The following MYRFL variants were observed in gnomAD, a reference collection of about 807,000 sequenced individuals.
MYRFL encodes the protein myelin regulatory factor like.
A neutral mutation model predicts 109.4 loss-of-function variants in MYRFL; 88 were observed. The observed-to-expected ratio is 0.80, with a 90% CI of 0.68 to 0.96. The LOEUF (loss-of-function observed/expected upper bound fraction) is 0.96. MYRFL is among the 40% of genes least tolerant of loss of function. MYRFL has a pLI of 0.00. For synonymous variants in MYRFL, 324 were observed against 320.9 expected (o/e 1.01, Z -0.10); for missense variants, 957 against 954.9 (o/e 1.00, Z -0.03).
chr12:69,866,466 T>G (rs1485036276), intron 2 of MYRFL, among the ~76,000 whole-genome samples: 4 of 152,142 alleles, frequency 2.6e-5, no homozygotes, highest in Non-Finnish European at 5.9e-5. Context: ...AATACCAGGG[T>G]ATTTATGCAG....
chr12:69,834,912 A>C (rs973317532), intron 1 of MYRFL, among the ~76,000 whole-genome samples: 3 of 152,208 alleles, frequency 2.0e-5, no homozygotes, highest in African/African-American at 7.2e-5. Context: ...AGTGAAACTT[A>C]ATATATTTCC....
chr12:69,952,949 T>A, intron 21 of MYRFL, 63 bp downstream of exon 21: 2 of 1,124,422 alleles, frequency 1.8e-6, no homozygotes, highest in Non-Finnish European at 2.5e-6. Context: ...TCTGGGTTTT[T>A]AAGACTGCAG....
At chr12:69,835,692 T>C (rs1882893727) in intron 1 of MYRFL, among the ~76,000 whole-genome samples, 1 of 152,186 alleles carries the variant, frequency 6.6e-6, no homozygotes. Flanking sequence ...AACAAATCTA[T>C]TGATAAGTCT....
intron 5 of MYRFL, among the ~76,000 whole-genome samples, chr12:69,881,141 T>G (rs1474492732): frequency 6.6e-6 from 1 of 152,070 alleles, no homozygotes; most frequent in Non-Finnish European, 1.5e-5. Flanking sequence ...GTTTGTTTGC[T>G]TATTTGTTTT....
At chr12:69,886,236 A>G (rs1886439926) in intron 5 of MYRFL, among the ~76,000 whole-genome samples, 1 of 152,196 alleles carries the variant, frequency 6.6e-6, no homozygotes, top group South Asian at 2.1e-4. Context: ...CACCATGAGG[A>G]CTGGTGCCCT....
chr12:69,881,366 C>T (rs1035119045), intron 5 of MYRFL, among the ~76,000 whole-genome samples: 1 of 152,210 alleles, frequency 6.6e-6, no homozygotes. Context: ...CAGTTTGTCA[C>T]CTTAGCAAGA....
rs374447256 is a variant in MYRFL at position 69,934,398 on chromosome 12, G to T, written c.1917-1715G>T. The stretch of plus-strand genomic sequence containing the variant: ...CTGGGACCCTGAAGCCCCAGAGGGG[G>T]TGTTAGGGTGCTAATTAGTGTTTTT... On this transcript the variant is annotated intron_variant, in intron 16 of 24. Transcript: ENST00000552032. Among the ~76,000 whole-genome samples, 59 of 152,358 alleles carry T rather than the reference G, an allele frequency of 3.9e-4. 1 individual carries two copies. In the South Asian group the frequency reaches 0.012, roughly 30 times the overall value.
chr12:69,880,009 T>C (rs1885963395), intron 4 of MYRFL, among the ~76,000 whole-genome samples, 192 bp from the exon 5 acceptor site: 2 of 152,276 alleles, frequency 1.3e-5, no homozygotes, highest in South Asian at 4.2e-4. Context: ...CATTGTCAGC[T>C]TATCTTTCAG....
chr12:69,895,990 C>T (rs1477307963), intron 9 of MYRFL, among the ~76,000 whole-genome samples: 4 of 152,150 alleles, frequency 2.6e-5, no homozygotes, highest in Non-Finnish European at 4.4e-5. Context: ...AACTCTGAAT[C>T]AAAAACTCTG....
chr12:69,928,933 A>G (rs1955185048), intron 15 of MYRFL, among the ~76,000 whole-genome samples: 2 of 152,198 alleles, frequency 1.3e-5, no homozygotes. Flanking sequence ...CAATCTCTGT[A>G]GCTCCCATCT....
chr12:69,950,529 G>A (rs1955947895), intron 19 of MYRFL, among the ~76,000 whole-genome samples: 1 of 152,098 alleles, frequency 6.6e-6, no homozygotes, highest in South Asian at 2.1e-4. Flanking sequence ...TATGACTAAT[G>A]AGTATGTCCC....
At chr12:69,888,354 C>T (rs780906033) in intron 6 of MYRFL, among the ~76,000 whole-genome samples, 1 of 152,150 alleles carries the variant, frequency 6.6e-6, no homozygotes, top group Non-Finnish European at 1.5e-5. Flanking sequence ...GACAGAAAAA[C>T]ACCCATCTTT....
chr12:69,936,255 C>G, intron 17 of MYRFL, 28 bp from the exon 18 acceptor site: 1 of 1,535,862 alleles, frequency 6.5e-7, no homozygotes. Context: ...AGCCCTCTTT[C>G]ATTAATCATT....
chr12:69,957,902 G>T lies in MYRFL; in HGVS notation c.2531G>T (p.Gly844Val), dbSNP rs969795589. 3 of 1,534,886 alleles carry T rather than the reference G, an allele frequency of 2.0e-6. No homozygotes were observed. The highest frequency in any genetic ancestry group is 2.7e-5 in the African/African-American group (2 of 73,006). ...ICFHSKRGTKGLESHREISQE... is the reference protein window; with the variant it reads ...ICFHSKRGTKVLESHREISQE... ...TTCCATAGTAAAAGGGGAACCAAAG[G>T]GCTGGAAAGCCACAGAGAAATCTCC... The change falls in exon 23 of 25, where the codon GGG becomes GTG. Residue 844 changes from glycine to valine, a missense_variant. Coordinates refer to ENST00000552032, the MANE Select transcript of MYRFL (RefSeq NM_182530.3).
chr12:69,881,367 C>T (rs1886095694), intron 5 of MYRFL, among the ~76,000 whole-genome samples: 1 of 152,220 alleles, frequency 6.6e-6, no homozygotes, highest in African/African-American at 2.4e-5. Flanking sequence ...AGTTTGTCAC[C>T]TTAGCAAGAG....
intron 5 of MYRFL, among the ~76,000 whole-genome samples, chr12:69,882,930 C>A (rs1252395729): frequency 2.0e-5 from 3 of 152,214 alleles, no homozygotes; most frequent in African/African-American, 7.2e-5. Context: ...CTGGGATTCC[C>A]AGAGCCTTAT....
intron 1 of MYRFL, among the ~76,000 whole-genome samples, chr12:69,842,778 C>T (rs1214978179): frequency 6.6e-6 from 1 of 152,216 alleles, no homozygotes; most frequent in Non-Finnish European, 1.5e-5. Flanking sequence ...AAAAAGCCCT[C>T]TCAGGTGTCA....
intron 19 of MYRFL, among the ~76,000 whole-genome samples, 174 bp from the exon 20 acceptor site, chr12:69,951,939 G>A (rs1020412275): frequency 6.6e-6 from 1 of 152,182 alleles, no homozygotes; most frequent in Non-Finnish European, 1.5e-5. Context: ...CTTGCAGAAG[G>A]AGGAGAATAA....
chr12:69,846,701 G>C (rs1223743768), intron 1 of MYRFL, among the ~76,000 whole-genome samples: 1 of 152,078 alleles, frequency 6.6e-6, no homozygotes, highest in African/African-American at 2.4e-5. Context: ...ATGGTCCTTT[G>C]GGTATATACC....
Sources: allele counts gnomAD v4.1 joint callset (sites outside exome capture counted in the v4.1 genomes callset), GRCh38; gene constraint gnomAD v4.1.1; transcripts MANE v1.5; gene names NCBI Gene and HGNC (gene_info 2026-07-23, HGNC 2026-07-21).